The following INVS variants were observed in gnomAD, a reference collection of about 807,000 sequenced individuals.
The protein encoded by INVS is inversion of embryo turning homolog.
A neutral mutation model predicts 108.8 loss-of-function variants in INVS; 86 were observed. That is an observed-to-expected ratio of 0.79 (90% confidence interval 0.66 to 0.95). The LOEUF is 0.95. Ranked by LOEUF, INVS falls within the 40% of genes least tolerant of loss-of-function variation. The pLI, the probability that INVS is intolerant of heterozygous loss-of-function variation, is 0.00. For synonymous variants in INVS, 455 were observed against 473.5 expected (o/e 0.96, Z 0.51); for missense variants, 1,169 against 1,297.4 (o/e 0.90, Z 1.52).
chr9:100,165,582 A>G (rs1829336497), intron 3 of INVS, among the ~76,000 whole-genome samples: 2 of 152,180 alleles, frequency 1.3e-5, no homozygotes, highest in African/African-American at 4.8e-5. Context: ...GTTTCCTGGC[A>G]TCCTCCTAGG....
intron 10 of INVS, among the ~76,000 whole-genome samples, chr9:100,256,419 G>A (rs933782549): frequency 5.9e-5 from 9 of 151,966 alleles, no homozygotes; most frequent in Admixed American, 1.3e-4. Context: ...ATCTCCTTCA[G>A]TTCTGCTGTG....
At chr9:100,199,058 T>C (rs544293414) in intron 3 of INVS, among the ~76,000 whole-genome samples, 1 of 152,370 alleles carries the variant, frequency 6.6e-6, no homozygotes, top group East Asian at 1.9e-4. Flanking sequence ...CATCACTAAT[T>C]ACATTCACTT....
Position 100,273,872 on chromosome 9 carries a change from ATAAAG to A in INVS, c.1784+800_1784+804del, listed in dbSNP as rs535816898. ...CCATTTCTTAACACATCTGTACTAA[ATAAAG>A]TAATTTACTCAAGAAATATTGATTG... On this transcript the variant is annotated intron_variant, in intron 12 of 16. Transcript: ENST00000262457. Among the ~76,000 whole-genome samples the A allele has an allele frequency of 8.5e-5, 13 of 152,238 alleles. No individual in the cohort carries two copies. The South Asian group carries it at 2.3e-3, about 27-fold the overall frequency.
chr9:100,256,735 T>A (rs1373682837), intron 10 of INVS, among the ~76,000 whole-genome samples: 2 of 152,192 alleles, frequency 1.3e-5, no homozygotes, highest in Non-Finnish European at 2.9e-5. Context: ...TTTGAGTGAG[T>A]TTCTTAATCC....
intron 12 of INVS, among the ~76,000 whole-genome samples, chr9:100,281,428 T>C (rs1469409099): frequency 6.6e-6 from 1 of 152,228 alleles, no homozygotes; most frequent in Admixed American, 6.5e-5. Context: ...GTTGTTGTTA[T>C]TGCTGCTGCT....
chr9:100,301,890 G>A lies in INVS; in HGVS notation c.*1216G>A, dbSNP rs1353430370. Among the ~76,000 whole-genome samples the A allele has an allele frequency of 3.3e-5, 5 of 152,080 alleles. No individual in the cohort carries two copies. The highest frequency in any genetic ancestry group is 6.6e-5 in the Admixed American group (1 of 15,256). On this transcript the variant is annotated 3_prime_UTR_variant, in exon 17 of 17. Coordinates refer to ENST00000262457, the MANE Select transcript of INVS (RefSeq NM_014425.5). ...GGATGGAATTACAAAGATTTAGCCA[G>A]TTTCTTGGTATATAACAGAAGGTAC...
At chr9:100,100,818 ATAAT>A (rs1474108475) in intron 1 of INVS, among the ~76,000 whole-genome samples, 1 of 47,036 alleles carries the variant, frequency 2.1e-5, no homozygotes, top group Non-Finnish European at 3.4e-5. Context: ...TATAATATAT[ATAAT>A]ATATGTATAT....
intron 3 of INVS, among the ~76,000 whole-genome samples, chr9:100,185,520 T>TAA (rs1830030267): frequency 1.2e-4 from 2 of 16,512 alleles, no homozygotes; most frequent in African/African-American, 9.2e-4. Flanking sequence ...CATAGAAATA[T>TAA]ATATATATAT....
chr9:100,198,151 C>G (rs1295414278), intron 3 of INVS, among the ~76,000 whole-genome samples: 1 of 151,808 alleles, frequency 6.6e-6, no homozygotes, highest in Non-Finnish European at 1.5e-5. Context: ...GTATTAAGTT[C>G]AGAATCACAC....
At chr9:100,298,195 C>G in intron 16 of INVS, 185 bp downstream of exon 16, 10 of 1,505,140 alleles carry the variant, frequency 6.6e-6, no homozygotes, top group Non-Finnish European at 8.8e-6. Flanking sequence ...ATTTTCACAA[C>G]TAAAAGCTAT....
At chr9:100,230,215 A>G (rs919835080) in intron 5 of INVS, among the ~76,000 whole-genome samples, 2 of 152,184 alleles carry the variant, frequency 1.3e-5, no homozygotes, top group Admixed American at 6.5e-5. Flanking sequence ...ACAAATACTC[A>G]TATACTCAAT....
Position 100,251,082 on chromosome 9 carries a change from A to G in INVS, c.1079-1201A>G, listed in dbSNP as rs150604361. ...AAAAGTAGTCCCTCAGTGATTCTACATATCAAAATAGTTTTTATTACTTTA... is the reference window on the plus strand; with the variant it reads ...AAAAGTAGTCCCTCAGTGATTCTACGTATCAAAATAGTTTTTATTACTTTA... On this transcript the variant is annotated intron_variant, in intron 8 of 16. Coordinates refer to ENST00000262457, the MANE Select transcript of INVS (RefSeq NM_014425.5). 2.7e-3 allele frequency among the ~76,000 whole-genome samples: 412 copies of G among 152,364 alleles called. 1 individual carries two copies. The highest frequency in any genetic ancestry group is 9.5e-3 in the African/African-American group (395 of 41,580).
At chr9:100,185,815 A>C (rs1279528971) in intron 3 of INVS, among the ~76,000 whole-genome samples, 1 of 152,022 alleles carries the variant, frequency 6.6e-6, no homozygotes, top group Non-Finnish European at 1.5e-5. Flanking sequence ...TTGATGTTCC[A>C]TTCCTGAGTT....
At chr9:100,254,369 C>T (rs1015358168) in intron 10 of INVS, among the ~76,000 whole-genome samples, 7 of 152,086 alleles carry the variant, frequency 4.6e-5, no homozygotes, top group African/African-American at 1.7e-4. Flanking sequence ...TGAAGGTTGC[C>T]TGTTCACTCT....
chr9:100,241,154 T>A (rs960198552), intron 6 of INVS, among the ~76,000 whole-genome samples: 2 of 152,144 alleles, frequency 1.3e-5, no homozygotes, highest in South Asian at 2.1e-4. Context: ...ATCTTTTTTT[T>A]AAATGATGTT....
chr9:100,270,976 T>C (rs570867000), intron 11 of INVS, among the ~76,000 whole-genome samples: 1 of 151,186 alleles, frequency 6.6e-6, no homozygotes, highest in Non-Finnish European at 1.5e-5. Context: ...ACCTAGAAAG[T>C]TGCCATTTGA....
At chr9:100,195,959 C>G (rs925570925) in intron 3 of INVS, among the ~76,000 whole-genome samples, 3 of 152,058 alleles carry the variant, frequency 2.0e-5, no homozygotes, top group Middle Eastern at 3.2e-3. Flanking sequence ...ATGTCTTTGT[C>G]AGGTTTTCCT....
intron 3 of INVS, among the ~76,000 whole-genome samples, chr9:100,202,092 GTT>G (rs35296886): frequency 6.8e-6 from 1 of 147,946 alleles, no homozygotes; most frequent in East Asian, 2.0e-4. Flanking sequence ...TATTACAATA[GTT>G]TTTTTTTTTT....
chr9:100,101,170 C>T (rs1423907259), intron 1 of INVS: 1 of 148,468 alleles, frequency 6.7e-6, no homozygotes, highest in Non-Finnish European at 1.5e-5. Flanking sequence ...GTGCCTAAAA[C>T]TCTGATCACT....
Sources: gnomAD v4.1 joint callset for allele counts (sites outside exome capture counted in the v4.1 genomes callset) on GRCh38, gnomAD v4.1.1 for gene constraint, MANE v1.5 for transcripts, NCBI Gene and HGNC (gene_info 2026-07-23, HGNC 2026-07-21) for gene names.